Variants in CAPN9 observed in about 807,000 individuals in gnomAD.
CAPN9 encodes calpain-9.
Under a neutral mutation model 92.8 loss-of-function variants are expected in CAPN9, and 81 were observed. That is an observed-to-expected ratio of 0.87 (90% confidence interval 0.73 to 1.05). The LOEUF is 1.05. CAPN9 is among the 50% of genes least tolerant of loss of function. CAPN9 has a pLI of 0.00. For synonymous variants in CAPN9, 304 were observed against 328.0 expected, an observed-to-expected ratio of 0.93 and a Z score of 0.79; for missense variants, 848 against 866.2, an observed-to-expected ratio of 0.98 and a Z score of 0.26.
At chr1:230,751,594 AAAGAAAGAAAGAAAG>A (rs1664789990) in intron 1 of CAPN9, among the ~76,000 whole-genome samples, 1 of 27,748 alleles carries the variant, frequency 3.6e-5, no homozygotes, top group Non-Finnish European at 8.1e-5. Context: ...ACAAAGAAAG[AAAGAAAGAAAGAAAG>A]AGAAAGAAAG....
At chr1:230,800,518 A>G (rs1668665591) in intron 19 of CAPN9, among the ~76,000 whole-genome samples, 1 of 152,152 alleles carries the variant, frequency 6.6e-6, no homozygotes, top group East Asian at 1.9e-4. Flanking sequence ...CCAGTGCTGC[A>G]GCTTCAAGGT....
intron 14 of CAPN9, among the ~76,000 whole-genome samples, chr1:230,790,726 G>C (rs749202985): frequency 2.0e-5 from 3 of 152,178 alleles, no homozygotes; most frequent in Non-Finnish European, 4.4e-5. Flanking sequence ...GGATCACCTA[G>C]GTCAGGAGTT....
At chr1:230,800,241 A>C (rs1301864912) in intron 19 of CAPN9, among the ~76,000 whole-genome samples, 1 of 85,392 alleles carries the variant, frequency 1.2e-5, no homozygotes, top group African/African-American at 4.9e-5. Flanking sequence ...GAAGAAAGAA[A>C]GAAAGAAAGA....
chr1:230,765,157 T>G (rs1426751695), intron 4 of CAPN9, among the ~76,000 whole-genome samples: 1 of 149,790 alleles, frequency 6.7e-6, no homozygotes, highest in African/African-American at 2.5e-5. Context: ...TATACATACA[T>G]ACATAAAATG....
chr1:230,747,619 CCT>C lies in CAPN9; in HGVS notation c.124_125del (p.Leu42ValfsTer2), dbSNP rs1558301369. 1.9e-6 allele frequency: 3 copies of C among 1,614,020 alleles called. No homozygotes were observed. Among genetic ancestry groups the C allele is most frequent in the Non-Finnish European group, 2.5e-6 (3 of 1,179,950 alleles). Reference sequence around the variant, plus strand: ...GGCAGGAGTGCCTGCAGAGAGGCACCCTGTTTGAGGATGCAGACTTCCCAGCC... The same window carrying C: ...GGCAGGAGTGCCTGCAGAGAGGCACCGTTTGAGGATGCAGACTTCCCAGCC... ...MRQECLQRGT[L>X]FEDADFPASN... On this transcript the variant is annotated frameshift_variant, in exon 1 of 20. Transcript: ENST00000271971. LOFTEE classifies it high-confidence loss of function.
intron 18 of CAPN9, among the ~76,000 whole-genome samples, chr1:230,796,043 A>G (rs75211921): frequency 6.6e-6 from 1 of 150,430 alleles, no homozygotes; most frequent in Non-Finnish European, 1.5e-5. Context: ...AAAAAAAAAA[A>G]GGCAGGGGGC....
rs909335773 is a variant in CAPN9, at chr1:230,801,692, G to T, written c.*96G>T. 9.1e-7 allele frequency: 1 copy of T among 1,098,746 alleles called. No individual in the cohort carries two copies. Among genetic ancestry groups the T allele is most frequent in the Non-Finnish European group, 1.4e-6 (1 of 709,664 alleles). 68.1% of individuals were successfully genotyped at this position (1,098,746 alleles called of 1,614,324 possible). Reference sequence around the variant, plus strand: ...TTGGTGTGGAACCATTACGCCCAGGGTTCACTCCCCTCTCATCGTCCGGCC... The same window carrying T: ...TTGGTGTGGAACCATTACGCCCAGGTTTCACTCCCCTCTCATCGTCCGGCC... On this transcript the variant is annotated 3_prime_UTR_variant, in exon 20 of 20. Coordinates refer to ENST00000271971, the MANE Select transcript of CAPN9 (RefSeq NM_006615.3).
intron 1 of CAPN9, among the ~76,000 whole-genome samples, chr1:230,754,628 C>T (rs1013828890): frequency 1.8e-4 from 24 of 131,320 alleles, no homozygotes; most frequent in Non-Finnish European, 3.3e-4. Context: ...ATAGCGAGAC[C>T]CCCATCTCCA....
chr1:230,798,277 C>T (rs371316525), intron 19 of CAPN9, 57 bp downstream of exon 19: 29 of 1,140,004 alleles, frequency 2.5e-5, no homozygotes, highest in South Asian at 5.0e-5. Flanking sequence ...GCAGAGTCCA[C>T]GCTGCATAGA....
chr1:230,751,065 TC>T (rs1223130251), intron 1 of CAPN9, among the ~76,000 whole-genome samples: 2 of 151,758 alleles, frequency 1.3e-5, no homozygotes, highest in African/African-American at 2.4e-5. Context: ...GCCAGGCAAT[TC>T]CCCCCCACCA....
intron 7 of CAPN9, among the ~76,000 whole-genome samples, chr1:230,774,023 G>A (rs561322109): frequency 1.5e-4 from 23 of 152,270 alleles, no homozygotes; most frequent in African/African-American, 3.9e-4. Flanking sequence ...TCTGCAGGAC[G>A]GGCACACCTA....
rs114122555 is a variant in CAPN9 at position 230,757,334 on chromosome 1, G to T, written c.283+1928G>T. Among the ~76,000 whole-genome samples the T allele has an allele frequency of 3.3e-5, 5 of 152,034 alleles. No individual in the cohort carries two copies. In the South Asian group the frequency reaches 1.0e-3, roughly 32 times the overall value. The stretch of plus-strand genomic sequence containing the variant: ...CTCTTCCTCTGCCTCCCTTCCCCTC[G>T]ACCCCGTAGTCCTCCATTGCTATCC... On this transcript the variant is annotated intron_variant, in intron 2 of 19. Coordinates refer to ENST00000271971, the MANE Select transcript of CAPN9 (RefSeq NM_006615.3).
In CAPN9 at chr1:230,751,649, AAG is replaced by A. The variant is rs1440763081; in HGVS notation, c.214-3686_214-3685del. ...AAAGAAAGAAAGAAAGAAAGAAAGA[AAG>A]AAAGAAAGAAAGAAAGAAAGAAAGA... is the stretch of plus-strand genomic sequence containing the variant. On this transcript the variant is annotated intron_variant, in intron 1 of 19. Coordinates refer to ENST00000271971, the MANE Select transcript of CAPN9 (RefSeq NM_006615.3). 1.1e-3 allele frequency among the ~76,000 whole-genome samples: 94 copies of A among 87,392 alleles called. 4 individuals carry two copies. Among genetic ancestry groups the A allele is most frequent in the Middle Eastern group, 5.0e-3 (1 of 200 alleles). 57.3% of individuals were successfully genotyped at this position (87,392 alleles called of 152,430 possible). A position where few individuals can be genotyped will look rare whatever the true frequency, so the allele number is the denominator to read the frequency against.
rs1667105776 is a variant in CAPN9, at chr1:230,780,104, G to A, written c.1115-75G>A. On this transcript the variant is annotated intron_variant, in intron 9 of 19. Coordinates refer to ENST00000271971, the MANE Select transcript of CAPN9 (RefSeq NM_006615.3). ...TGCGTGTGTGTGTGTGTGTGTGTGT[G>A]TGTGTGTGTGTGTGTGTGGTCTTTG... 1.4e-5 allele frequency: 13 copies of A among 929,942 alleles called. 1 individual carries two copies. Among genetic ancestry groups the A allele is most frequent in the Non-Finnish European group, 2.2e-5 (13 of 596,628 alleles). 57.6% of individuals were successfully genotyped at this position (929,942 alleles called of 1,614,324 possible). A position where few individuals can be genotyped will look rare whatever the true frequency, so the allele number is the denominator to read the frequency against.
At chr1:230,767,424 G>A (rs528934576) in intron 4 of CAPN9, 117 bp from the exon 5 acceptor site, 1 of 814,956 alleles carries the variant, frequency 1.2e-6, no homozygotes, top group African/African-American at 1.7e-5. Context: ...ACACCACCCA[G>A]CCAGGGCAAG....
chr1:230,785,918 C>G, intron 11 of CAPN9, 63 bp from the exon 12 acceptor site: 4 of 1,479,656 alleles, frequency 2.7e-6, no homozygotes, highest in Non-Finnish European at 3.8e-6. Context: ...GGCTCTTCAG[C>G]TCTGCAGATC....
intron 2 of CAPN9, among the ~76,000 whole-genome samples, chr1:230,756,656 C>G (rs1665244302): frequency 6.6e-6 from 1 of 152,148 alleles, no homozygotes; most frequent in African/African-American, 2.4e-5. Flanking sequence ...GTGTTCCAGG[C>G]TGAGCGTGAT....
chr1:230,792,008 A>C (rs184308877), intron 15 of CAPN9, 80 bp downstream of exon 15: 7 of 998,438 alleles, frequency 7.0e-6, no homozygotes, highest in Non-Finnish European at 9.6e-6. Context: ...AATAGTGCAG[A>C]CTCTCCAAGA....
At chr1:230,781,888 G>A (rs1388218491) in intron 11 of CAPN9, among the ~76,000 whole-genome samples, 1 of 152,112 alleles carries the variant, frequency 6.6e-6, no homozygotes, top group East Asian at 1.9e-4. Context: ...CAAAAGGCAT[G>A]GTTCTTTCTC....
Sources: gnomAD v4.1 joint callset for allele counts (sites outside exome capture counted in the v4.1 genomes callset) on GRCh38, gnomAD v4.1.1 for gene constraint, MANE v1.5 for transcripts, NCBI Gene and HGNC (gene_info 2026-07-23, HGNC 2026-07-21) for gene names.